Variants in LSAMP observed in about 807,000 individuals in gnomAD.
The protein encoded by LSAMP is limbic system-associated membrane protein.
In LSAMP, 7 loss-of-function variants were observed where a neutral mutation model predicts 38.6. The observed-to-expected ratio is 0.18, with a 90% CI of 0.10 to 0.34. The LOEUF (loss-of-function observed/expected upper bound fraction) is 0.34. Among genes scored for constraint, LSAMP ranks in the 10% least tolerant of loss-of-function variants. LSAMP has a pLI of 1.00. For missense variants in LSAMP, 313 were observed against 420.0 expected, an observed-to-expected ratio of 0.75 and a Z score of 2.23; for synonymous variants, 154 against 166.8, an observed-to-expected ratio of 0.92 and a Z score of 0.59.
At chr3:116,379,214 T>A (rs1265772042) in intron 1 of LSAMP, among the ~76,000 whole-genome samples, 2 of 152,052 alleles carry the variant, frequency 1.3e-5, no homozygotes, top group East Asian at 1.9e-4. Flanking sequence ...AAAAGATGAT[T>A]ATTTTTAATT....
At chr3:116,200,694 C>T (rs945469069) in intron 1 of LSAMP, among the ~76,000 whole-genome samples, 1 of 152,192 alleles carries the variant, frequency 6.6e-6, no homozygotes, top group African/African-American at 2.4e-5. Flanking sequence ...AAAGCTACAT[C>T]TTGTGAAAAG....
intron 2 of LSAMP, among the ~76,000 whole-genome samples, chr3:116,055,962 C>CT (rs34884258): frequency 2.1e-4 from 32 of 151,200 alleles, no homozygotes; most frequent in South Asian, 1.5e-3. Context: ...AGGATCCCTG[C>CT]TTTTTTTTTC....
At chr3:115,946,905 G>A (rs1170986821) in intron 3 of LSAMP, among the ~76,000 whole-genome samples, 23 of 151,976 alleles carry the variant, frequency 1.5e-4, no homozygotes, top group Admixed American at 1.4e-3. Context: ...AAACATATAT[G>A]TTTAGATATA....
intron 1 of LSAMP, among the ~76,000 whole-genome samples, chr3:116,317,511 A>T (rs2107725363): frequency 6.6e-6 from 1 of 151,718 alleles, no homozygotes; most frequent in East Asian, 2.0e-4. Context: ...GCCCGCCACC[A>T]CGTCTGGCTA....
At chr3:116,381,898 G>T (rs758474872) in intron 1 of LSAMP, among the ~76,000 whole-genome samples, 1 of 152,058 alleles carries the variant, frequency 6.6e-6, no homozygotes, top group Non-Finnish European at 1.5e-5. Flanking sequence ...CTAAGGGAGA[G>T]GTTGGAAAAC....
chr3:116,194,310 T>C (rs1710825006), intron 1 of LSAMP, among the ~76,000 whole-genome samples: 1 of 152,100 alleles, frequency 6.6e-6, no homozygotes, highest in Non-Finnish European at 1.5e-5. Context: ...AAAAAAGCCA[T>C]AATCCTTTTC....
intron 2 of LSAMP, among the ~76,000 whole-genome samples, chr3:116,025,983 G>A (rs1940782094): frequency 6.6e-6 from 1 of 152,070 alleles, no homozygotes; most frequent in Non-Finnish European, 1.5e-5. Context: ...GCATTGGTGT[G>A]ATCATAGTTC....
chr3:116,397,867 C>A (rs1183239251), intron 1 of LSAMP, among the ~76,000 whole-genome samples: 2 of 152,004 alleles, frequency 1.3e-5, no homozygotes, highest in Non-Finnish European at 2.9e-5. Flanking sequence ...ACCTGTGTAA[C>A]CCCAGGAAAG....
chr3:116,330,886 G>C (rs375902345), intron 1 of LSAMP, among the ~76,000 whole-genome samples: 1 of 152,082 alleles, frequency 6.6e-6, no homozygotes, highest in Non-Finnish European at 1.5e-5. Flanking sequence ...AAAGAAGGTA[G>C]TATGGCACAT....
chr3:116,213,452 A>T (rs899800103), intron 1 of LSAMP, among the ~76,000 whole-genome samples: 1 of 152,200 alleles, frequency 6.6e-6, no homozygotes, highest in Non-Finnish European at 1.5e-5. Context: ...AGGCCTCTCC[A>T]GCCATGTGGA....
chr3:115,831,236 G>T (rs1440387161), intron 6 of LSAMP, among the ~76,000 whole-genome samples: 1 of 152,138 alleles, frequency 6.6e-6, no homozygotes, highest in African/African-American at 2.4e-5. Context: ...GAATGGAAAG[G>T]CTGTTCACTT....
chr3:115,877,761 T>C (rs1185434712), intron 3 of LSAMP, among the ~76,000 whole-genome samples: 1 of 152,158 alleles, frequency 6.6e-6, no homozygotes, highest in Non-Finnish European at 1.5e-5. Context: ...GGGCATGCTT[T>C]CTGTGTCCTT....
At chr3:116,014,092 T>C (rs1378396135) in intron 3 of LSAMP, among the ~76,000 whole-genome samples, 1 of 152,150 alleles carries the variant, frequency 6.6e-6, no homozygotes, top group Admixed American at 6.6e-5. Context: ...TGACTTATGG[T>C]GGATTGACTT....
intron 3 of LSAMP, among the ~76,000 whole-genome samples, chr3:115,987,396 G>A (rs1939540028): frequency 6.6e-6 from 1 of 152,168 alleles, no homozygotes; most frequent in South Asian, 2.1e-4. Flanking sequence ...GCAAGTTAGA[G>A]AAGAATGATA....
intron 3 of LSAMP, among the ~76,000 whole-genome samples, chr3:115,971,385 A>G (rs530387123): frequency 2.5e-4 from 38 of 152,308 alleles, no homozygotes; most frequent in Middle Eastern, 3.4e-3. Context: ...TAAAGCTTTT[A>G]AAAGGGCTTT....
chr3:116,346,959 TTAA>T (rs2048071053), intron 1 of LSAMP, among the ~76,000 whole-genome samples: 1 of 152,166 alleles, frequency 6.6e-6, no homozygotes, highest in Admixed American at 6.5e-5. Flanking sequence ...GTTTCTGGAC[TTAA>T]TAAATAAAAT....
intron 3 of LSAMP, among the ~76,000 whole-genome samples, chr3:115,978,041 CT>C (rs1939242844): frequency 6.6e-6 from 1 of 152,014 alleles, no homozygotes; most frequent in African/African-American, 2.4e-5. Context: ...AACACGGTCT[CT>C]CTGTTGCCCC....
intron 1 of LSAMP, among the ~76,000 whole-genome samples, chr3:116,274,568 C>G (rs2047021756): frequency 6.6e-6 from 1 of 152,104 alleles, no homozygotes; most frequent in Non-Finnish European, 1.5e-5. Context: ...TATTGAAGGT[C>G]TACAAGGTGC....
At chr3:116,308,022 G>A (rs966166863) in intron 1 of LSAMP, among the ~76,000 whole-genome samples, 1 of 151,778 alleles carries the variant, frequency 6.6e-6, no homozygotes, top group Non-Finnish European at 1.5e-5. Flanking sequence ...TAATGCATTC[G>A]TAAAATGCCT....
Sources: gnomAD v4.1 joint callset for allele counts (sites outside exome capture counted in the v4.1 genomes callset) on GRCh38, gnomAD v4.1.1 for gene constraint, MANE v1.5 for transcripts, NCBI Gene and HGNC (gene_info 2026-07-23, HGNC 2026-07-21) for gene names.